The following TESK2 variants were observed in gnomAD, a reference collection of about 807,000 sequenced individuals.
The protein encoded by TESK2 is dual specificity testis-specific protein kinase 2.
Under a neutral mutation model 57.1 loss-of-function variants are expected in TESK2, and 39 were observed. The observed-to-expected ratio is 0.68, with a 90% CI of 0.53 to 0.89. The LOEUF is 0.89. Ranked by LOEUF, TESK2 falls within the 40% of genes least tolerant of loss-of-function variation. The pLI is 0.00. For synonymous variants in TESK2, 249 were observed against 267.9 expected, an observed-to-expected ratio of 0.93 and a Z score of 0.69; for missense variants, 646 against 732.1, an observed-to-expected ratio of 0.88 and a Z score of 1.36.
Position 45,344,889 on chromosome 1 carries a change from A to G in TESK2, c.1667T>C (p.Phe556Ser), listed in dbSNP as rs765379619. ...ERPAGSTPATFSTSGIGLQTQ... is the reference protein window; with the variant it reads ...ERPAGSTPATSSTSGIGLQTQ... ...TTGCAGGCCTATGCCTGAGGTGGAG[A>G]AGGTGGCTGGAGTTGAGCCTGCTGG... Residue 556 changes from phenylalanine (F) to serine (S), a missense_variant, in exon 11 of 11, where the codon TTC becomes TCC. By Grantham distance (155) the Phe-to-Ser change is radical (BLOSUM62 -2). Transcript: ENST00000372086. 2.5e-6 allele frequency: 4 copies of G among 1,613,566 alleles called. No homozygotes were observed. The highest frequency in any genetic ancestry group is 3.4e-6 in the Non-Finnish European group (4 of 1,180,004).
intron 1 of TESK2, among the ~76,000 whole-genome samples, chr1:45,458,382 T>A (rs1456219808): frequency 6.6e-6 from 1 of 152,136 alleles, no homozygotes; most frequent in African/African-American, 2.4e-5. Context: ...CTGGCCAACA[T>A]GGTGAAACCC....
At chr1:45,386,269 T>C (rs952537336) in intron 3 of TESK2, among the ~76,000 whole-genome samples, 3 of 141,280 alleles carry the variant, frequency 2.1e-5, no homozygotes, top group African/African-American at 8.0e-5. Context: ...CCCTTGAACC[T>C]GGAAGGCAGA....
In TESK2 at chr1:45,415,345, T is replaced by C. The variant is rs1650196918; in HGVS notation, c.344+6380A>G. On this transcript the variant is annotated intron_variant, in intron 3 of 10. Transcript: ENST00000372086. ...CATTGCTGACTGTGGACAACTCTAA[T>C]AAATTTGACTTGTGTTTTATTTTAA... 8.5e-6 allele frequency: 9 copies of C among 1,055,322 alleles called. No homozygotes were observed. The Admixed American group carries it at 1.4e-4, about 16-fold the overall frequency. 65.4% of individuals were successfully genotyped at this position (1,055,322 alleles called of 1,614,324 possible). A position where few individuals can be genotyped will look rare whatever the true frequency, so the allele number is the denominator to read the frequency against.
chr1:45,360,497 C>G (rs896243450), intron 4 of TESK2, among the ~76,000 whole-genome samples: 1 of 152,106 alleles, frequency 6.6e-6, no homozygotes, highest in Non-Finnish European at 1.5e-5. Context: ...CTTGTTTACT[C>G]TGTTCAGCAG....
chr1:45,345,195 C>CA lies in TESK2; in HGVS notation c.1360dup (p.Trp454LeufsTer9), dbSNP rs760700932. 6.2e-7 allele frequency: 1 copy of CA among 1,614,192 alleles called. No homozygotes were observed. On this transcript the variant is annotated frameshift_variant, in exon 11 of 11. Transcript: ENST00000372086. LOFTEE classifies it high-confidence loss of function. The stretch of plus-strand genomic sequence containing the variant: ...CTCAGGCGAACCAGGCAAGGAACGC[C>CA]ACCGGCGAATAGGTGGGGCCAGGGG...
intron 3 of TESK2, among the ~76,000 whole-genome samples, chr1:45,402,780 C>A (rs1048561150): frequency 6.6e-6 from 1 of 152,044 alleles, no homozygotes; most frequent in Non-Finnish European, 1.5e-5. Flanking sequence ...ATGCATCCAG[C>A]CTATTCTTTT....
chr1:45,465,109 A>G (rs1652490577), intron 1 of TESK2, among the ~76,000 whole-genome samples: 1 of 152,008 alleles, frequency 6.6e-6, no homozygotes, highest in Non-Finnish European at 1.5e-5. Flanking sequence ...GGTGACACAC[A>G]TCTGTAATCC....
At chr1:45,382,138 G>A (rs1300790111) in intron 4 of TESK2, among the ~76,000 whole-genome samples, 2 of 152,054 alleles carry the variant, frequency 1.3e-5, no homozygotes, top group African/African-American at 2.4e-5. Flanking sequence ...TCCTAAAAGT[G>A]TTGGGATTAT....
At chr1:45,427,895 A>G (rs1394177037) in intron 2 of TESK2, among the ~76,000 whole-genome samples, 1 of 152,208 alleles carries the variant, frequency 6.6e-6, no homozygotes, top group African/African-American at 2.4e-5. Flanking sequence ...TTAAAATAAC[A>G]GAGTATAATT....
intron 4 of TESK2, among the ~76,000 whole-genome samples, chr1:45,370,030 G>T (rs1458212687): frequency 6.6e-6 from 1 of 152,046 alleles, no homozygotes; most frequent in Non-Finnish European, 1.5e-5. Flanking sequence ...GATTTCTATA[G>T]GACAGAGGGA....
At chr1:45,414,941 G>A (rs1175009820) in intron 3 of TESK2, 1 of 509,942 alleles carries the variant, frequency 2.0e-6, no homozygotes, top group Non-Finnish European at 3.5e-6. Flanking sequence ...CTCAACAAGT[G>A]TTTAGTGAGT....
chr1:45,433,126 T>C (rs1180331093), intron 2 of TESK2, among the ~76,000 whole-genome samples: 1 of 124,276 alleles, frequency 8.0e-6, no homozygotes, highest in East Asian at 2.7e-4. Flanking sequence ...CTCAGGCTGG[T>C]TGCAGTGGTG....
At chr1:45,440,796 C>T (rs777199229) in intron 2 of TESK2, among the ~76,000 whole-genome samples, 1 of 152,046 alleles carries the variant, frequency 6.6e-6, no homozygotes, top group Non-Finnish European at 1.5e-5. Flanking sequence ...GATCCTGACA[C>T]TCTCGTTTGC....
At chr1:45,475,041 G>A (rs1004507047) in intron 1 of TESK2, among the ~76,000 whole-genome samples, 2 of 141,230 alleles carry the variant, frequency 1.4e-5, no homozygotes, top group African/African-American at 5.3e-5. Context: ...GCACAGCATG[G>A]CAACAGAGCA....
chr1:45,373,492 T>G (rs1648286477), intron 4 of TESK2, among the ~76,000 whole-genome samples: 1 of 152,248 alleles, frequency 6.6e-6, no homozygotes, highest in East Asian at 1.9e-4. Context: ...CAGAAGATTT[T>G]AGACAATCAT....
intron 4 of TESK2, among the ~76,000 whole-genome samples, chr1:45,373,442 TAACA>T (rs1453682421): frequency 6.6e-6 from 1 of 152,260 alleles, no homozygotes; most frequent in East Asian, 1.9e-4. Context: ...TTAATTCATT[TAACA>T]AACATTCATT....
chr1:45,445,800 A>C (rs1651622633), intron 2 of TESK2, among the ~76,000 whole-genome samples: 1 of 152,098 alleles, frequency 6.6e-6, no homozygotes, highest in South Asian at 2.1e-4. Context: ...GTCTCCAAGA[A>C]ATAAATAAAC....
chr1:45,421,986 C>T, intron 2 of TESK2, 140 bp from the exon 3 acceptor site: 1 of 861,712 alleles, frequency 1.2e-6, no homozygotes, highest in Non-Finnish European at 1.8e-6. Flanking sequence ...TAAAGTATCA[C>T]TTCCATGAAT....
At chr1:45,461,180 C>G (rs1289688492) in intron 1 of TESK2, among the ~76,000 whole-genome samples, 1 of 151,360 alleles carries the variant, frequency 6.6e-6, no homozygotes, top group Non-Finnish European at 1.5e-5. Context: ...TTTTAAACAT[C>G]AGGAATTTTA....
Sources: gnomAD v4.1 joint callset for allele counts (sites outside exome capture counted in the v4.1 genomes callset) on GRCh38, gnomAD v4.1.1 for gene constraint, MANE v1.5 for transcripts, NCBI Gene and HGNC (gene_info 2026-07-23, HGNC 2026-07-21) for gene names.